BMPR1B: variants seen among roughly 807,000 people sequenced by gnomAD.
The protein encoded by BMPR1B is bone morphogenetic protein receptor type-1B.
In BMPR1B, 12 loss-of-function variants were observed where a neutral mutation model predicts 59.1. The ratio of observed to expected loss-of-function variants is 0.20; its 90% CI spans 0.13 to 0.33. BMPR1B has a LOEUF of 0.33. Ranked by LOEUF, BMPR1B falls within the 10% of genes least tolerant of loss-of-function variation. BMPR1B has a pLI of 1.00. For missense variants in BMPR1B, 550 were observed against 610.9 expected, an observed-to-expected ratio of 0.90 and a Z score of 1.05; for synonymous variants, 237 against 207.3, an observed-to-expected ratio of 1.14 and a Z score of -1.23.
intron 1 of BMPR1B, among the ~76,000 whole-genome samples, chr4:94,762,878 C>G (rs4699364): frequency 4.0e-5 from 6 of 149,700 alleles, no homozygotes; most frequent in Non-Finnish European, 5.9e-5. Flanking sequence ...TTTTGCGGGG[C>G]TGGGGGCTGG....
In BMPR1B at chr4:94,850,392, ACT is replaced by A. The variant is rs1725520829; in HGVS notation, c.-182-25436_-182-25435del. ...TGTGTCTTTATGATGTGTTAAACAA[ACT>A]CTAGTGGCAGGTAGCGTGACTGCCT... is the stretch of plus-strand genomic sequence containing the variant. On this transcript the variant is annotated intron_variant, in intron 1 of 12. Coordinates refer to ENST00000515059, the MANE Select transcript of BMPR1B (RefSeq NM_001203.3). Among the ~76,000 whole-genome samples, 3 of 152,184 alleles carry A rather than the reference ACT, an allele frequency of 2.0e-5. No individual in the cohort carries two copies. In the South Asian group the frequency reaches 6.2e-4, roughly 32 times the overall value.
chr4:94,827,150 C>G (rs1724411328), intron 1 of BMPR1B, among the ~76,000 whole-genome samples: 1 of 152,052 alleles, frequency 6.6e-6, no homozygotes, highest in Admixed American at 6.6e-5. Context: ...CCCTCTGTGT[C>G]TCTCTGGTTG....
chr4:94,777,710 CTCTTT>C (rs1263332287), intron 1 of BMPR1B, among the ~76,000 whole-genome samples: 3 of 152,098 alleles, frequency 2.0e-5, no homozygotes, highest in Non-Finnish European at 4.4e-5. Flanking sequence ...CTGATTCCTG[CTCTTT>C]TCTTACTTTT....
At chr4:94,958,611 T>C (rs951036338) in intron 2 of BMPR1B, among the ~76,000 whole-genome samples, 2 of 152,232 alleles carry the variant, frequency 1.3e-5, no homozygotes, top group African/African-American at 4.8e-5. Flanking sequence ...TGTTTTAACA[T>C]AATTACCTCT....
intron 1 of BMPR1B, among the ~76,000 whole-genome samples, chr4:94,790,426 G>A (rs531322146): frequency 6.6e-6 from 1 of 152,174 alleles, no homozygotes; most frequent in Non-Finnish European, 1.5e-5. Context: ...ACCTTGCTGG[G>A]TGGGGTGTTG....
chr4:94,888,673 T>G (rs1270505107), intron 2 of BMPR1B, among the ~76,000 whole-genome samples: 1 of 152,092 alleles, frequency 6.6e-6, no homozygotes, highest in Non-Finnish European at 1.5e-5. Flanking sequence ...AAGCTGGGAT[T>G]GAGGCAAAGG....
chr4:94,773,654 G>T (rs1360147774), intron 1 of BMPR1B, among the ~76,000 whole-genome samples: 1 of 152,032 alleles, frequency 6.6e-6, no homozygotes, highest in African/African-American at 2.4e-5. Flanking sequence ...GACTGTATTA[G>T]ATTATAATGG....
chr4:94,768,770 T>A (rs1722066897), intron 1 of BMPR1B, among the ~76,000 whole-genome samples: 1 of 152,178 alleles, frequency 6.6e-6, no homozygotes, highest in Admixed American at 6.5e-5. Flanking sequence ...TCTATTTTGT[T>A]ATGAAATCAT....
At chr4:95,030,739 G>C (rs543486492) in intron 3 of BMPR1B, among the ~76,000 whole-genome samples, 6 of 152,110 alleles carry the variant, frequency 3.9e-5, no homozygotes, top group Non-Finnish European at 8.8e-5. Context: ...GACAAACAGA[G>C]AGCCAAATAA....
chr4:94,936,086 G>A lies in BMPR1B; in HGVS notation c.-112-59954G>A, dbSNP rs1326001488. On this transcript the variant is annotated intron_variant, in intron 2 of 12. Transcript: ENST00000515059. ...GTATAAACGATAAAGTCAGAAAAGA[G>A]TGCTTCTATTGGAACATTTTGTGCT... Among the ~76,000 whole-genome samples the A allele has an allele frequency of 2.0e-5, 3 of 152,150 alleles. No homozygotes were observed. In the East Asian group the frequency reaches 5.8e-4, roughly 29 times the overall value.
chr4:95,036,043 T>C (rs1474116308), intron 3 of BMPR1B, among the ~76,000 whole-genome samples: 2 of 152,108 alleles, frequency 1.3e-5, no homozygotes, highest in East Asian at 3.9e-4. Flanking sequence ...TTTTTACAGC[T>C]ATCATAAAAG....
chr4:95,076,210 T>C (rs1256698363), intron 3 of BMPR1B, among the ~76,000 whole-genome samples: 4 of 152,104 alleles, frequency 2.6e-5, no homozygotes, highest in East Asian at 3.8e-4. Context: ...ATGAGCTTAA[T>C]TTGTACTCTG....
chr4:95,061,947 T>A (rs1274065696), intron 3 of BMPR1B, among the ~76,000 whole-genome samples: 1 of 152,096 alleles, frequency 6.6e-6, no homozygotes, highest in Non-Finnish European at 1.5e-5. Context: ...TGAGATCTGA[T>A]GGTTTAAAAG....
At chr4:94,765,267 T>C (rs1721926021) in intron 1 of BMPR1B, among the ~76,000 whole-genome samples, 2 of 152,206 alleles carry the variant, frequency 1.3e-5, no homozygotes, top group African/African-American at 4.8e-5. Flanking sequence ...AATTTTCTTA[T>C]GCATTACTAT....
At chr4:95,099,126 A>C (rs896958889) in intron 3 of BMPR1B, among the ~76,000 whole-genome samples, 1 of 152,224 alleles carries the variant, frequency 6.6e-6, no homozygotes, top group Non-Finnish European at 1.5e-5. Flanking sequence ...AACATAACAC[A>C]TGAAAACATG....
intron 1 of BMPR1B, among the ~76,000 whole-genome samples, chr4:94,844,254 T>TGTGTGA (rs1553911797): frequency 3.9e-5 from 5 of 126,920 alleles, no homozygotes; most frequent in South Asian, 5.9e-4. Flanking sequence ...TGTGTGTGTG[T>TGTGTGA]GTGAATCTTC....
chr4:94,940,103 A>T (rs1417685402), intron 2 of BMPR1B, among the ~76,000 whole-genome samples: 1 of 152,182 alleles, frequency 6.6e-6, no homozygotes, highest in African/African-American at 2.4e-5. Context: ...TTTGTGAATT[A>T]ATAAAACAAG....
intron 2 of BMPR1B, among the ~76,000 whole-genome samples, chr4:94,951,602 T>G (rs1467434068): frequency 6.6e-6 from 1 of 152,110 alleles, no homozygotes; most frequent in Non-Finnish European, 1.5e-5. Flanking sequence ...ATCCCAGGGA[T>G]GAAGCCGACT....
At chr4:94,831,237 A>ACAACAACAACAACAAC (rs200801784) in intron 1 of BMPR1B, among the ~76,000 whole-genome samples, 24 of 146,950 alleles carry the variant, frequency 1.6e-4, no homozygotes, top group South Asian at 2.1e-4. Context: ...AAAAAGTAAA[A>ACAACAACAACAACAAC]AAAAAAAAAA....
Sources: gnomAD v4.1 joint callset for allele counts (sites outside exome capture counted in the v4.1 genomes callset) on GRCh38, gnomAD v4.1.1 for gene constraint, MANE v1.5 for transcripts, NCBI Gene and HGNC (gene_info 2026-07-23, HGNC 2026-07-21) for gene names.